Variants in KAZN observed in about 807,000 individuals in gnomAD.
KAZN encodes kazrin, periplakin interacting protein.
In KAZN, 40 loss-of-function variants were observed where a neutral mutation model predicts 87.4. The ratio of observed to expected loss-of-function variants is 0.46; its 90% CI spans 0.36 to 0.60. KAZN has a LOEUF of 0.60. Among genes scored for constraint, KAZN ranks in the 20% least tolerant of loss-of-function variants. The pLI is 0.00. For synonymous variants in KAZN, 466 were observed against 458.3 expected, an observed-to-expected ratio of 1.02 and a Z score of -0.22; for missense variants, 898 against 1,073.9, an observed-to-expected ratio of 0.84 and a Z score of 2.29.
intron 2 of KAZN, among the ~76,000 whole-genome samples, chr1:14,383,434 T>C (rs536192189): frequency 6.6e-6 from 1 of 152,016 alleles, no homozygotes; most frequent in Non-Finnish European, 1.5e-5. Context: ...TCTTCTAGGG[T>C]TTTTATGGTT....
intron 2 of KAZN, among the ~76,000 whole-genome samples, chr1:14,509,551 G>A (rs1261046493): frequency 6.6e-6 from 1 of 152,134 alleles, no homozygotes; most frequent in Non-Finnish European, 1.5e-5. Context: ...AGCCTCGTAG[G>A]GCCGTGGAAA....
chr1:13,964,536 C>T (rs924164681), intron 1 of KAZN, among the ~76,000 whole-genome samples: 24 of 152,228 alleles, frequency 1.6e-4, no homozygotes, highest in Middle Eastern at 3.4e-3. Flanking sequence ...CTGTGGTTAC[C>T]GGTTGGTCTA....
intron 2 of KAZN, among the ~76,000 whole-genome samples, chr1:14,519,310 C>T (rs909680797): frequency 6.6e-6 from 1 of 152,160 alleles, no homozygotes; most frequent in African/African-American, 2.4e-5. Context: ...CTCTGCTTTG[C>T]TTTAGATGGC....
At chr1:14,569,600 G>A (rs1674740423) in intron 2 of KAZN, among the ~76,000 whole-genome samples, 1 of 151,384 alleles carries the variant, frequency 6.6e-6, no homozygotes, top group African/African-American at 2.4e-5. Context: ...AGGATTACAG[G>A]CATGAGCCAC....
chr1:14,467,640 GA>G (rs1668237461), intron 2 of KAZN, among the ~76,000 whole-genome samples: 1 of 58,768 alleles, frequency 1.7e-5, no homozygotes, highest in Non-Finnish European at 3.4e-5. Flanking sequence ...TAAAAAGATG[GA>G]AAAAGAAATG....
At chr1:14,478,256 AGG>A (rs1668872251) in intron 2 of KAZN, among the ~76,000 whole-genome samples, 2 of 142,520 alleles carry the variant, frequency 1.4e-5, no homozygotes, top group East Asian at 2.1e-4. Flanking sequence ...AAAAGAAGGA[AGG>A]AAGGAAGGAA....
rs1031499046 is a variant in KAZN at position 15,114,619 on chromosome 1, A to C, written c.2312A>C (p.Glu771Ala). 5 of 1,589,250 alleles carry C rather than the reference A, an allele frequency of 3.1e-6. No homozygotes were observed. Among genetic ancestry groups the C allele is most frequent in the Admixed American group, 3.6e-5 (2 of 55,994 alleles). Residue 771 changes from glutamate (E) to alanine (A), a missense_variant, in exon 15 of 15, where the codon GAG (glutamate) becomes GCG (alanine). This residue lies in a region of KAZN where 127 missense variants were observed against 121.5 expected (regional missense o/e 1.04). Transcript: ENST00000376030. ...CGTCTGGAAGGCTACAACAGCCTGGAGGTCACCAACGTGTAAGGAACTGGT... is the reference window on the plus strand; with the variant it reads ...CGTCTGGAAGGCTACAACAGCCTGGCGGTCACCAACGTGTAAGGAACTGGT... Reference protein sequence around the residue: ...QCRLEGYNSLEVTNV With the variant: ...QCRLEGYNSLAVTNV
chr1:14,039,017 A>C (rs759383454), intron 1 of KAZN, among the ~76,000 whole-genome samples: 2 of 151,914 alleles, frequency 1.3e-5, no homozygotes, highest in Non-Finnish European at 2.9e-5. Context: ...TACACACACA[A>C]AAAATTAGCT....
At chr1:14,032,714 GGGT>G (rs1305028217) in intron 1 of KAZN, among the ~76,000 whole-genome samples, 1 of 152,132 alleles carries the variant, frequency 6.6e-6, no homozygotes. Flanking sequence ...ATGCCTTCAA[GGGT>G]GTATTCTACC....
intron 1 of KAZN, among the ~76,000 whole-genome samples, chr1:14,783,624 T>C (rs1645419810): frequency 6.6e-6 from 1 of 152,216 alleles, no homozygotes; most frequent in Admixed American, 6.5e-5. Context: ...ATGATCCCAC[T>C]GCTGTCGATC....
At chr1:14,764,501 C>A (rs767171410) in intron 1 of KAZN, among the ~76,000 whole-genome samples, 3 of 151,594 alleles carry the variant, frequency 2.0e-5, no homozygotes, top group Admixed American at 1.3e-4. Context: ...GCCCCTCTGC[C>A]CCCCCATAGA....
At chr1:13,996,262 C>G (rs1489144188) in intron 1 of KAZN, among the ~76,000 whole-genome samples, 2 of 152,164 alleles carry the variant, frequency 1.3e-5, no homozygotes, top group Non-Finnish European at 2.9e-5. Context: ...AGTCCCAACC[C>G]CCGAGCCGCG....
chr1:14,178,546 T>G (rs558184659), intron 1 of KAZN, among the ~76,000 whole-genome samples: 2 of 152,380 alleles, frequency 1.3e-5, no homozygotes, highest in East Asian at 1.9e-4. Flanking sequence ...GATTTAAATA[T>G]TCTACTTTTC....
chr1:14,386,599 C>T (rs756738426), intron 2 of KAZN, among the ~76,000 whole-genome samples: 48 of 152,072 alleles, frequency 3.2e-4, no homozygotes, highest in African/African-American at 4.6e-4. Context: ...ATATGAAATT[C>T]GGGGTGGAAA....
chr1:14,614,069 G>A (rs1437395275), intron 1 of KAZN, among the ~76,000 whole-genome samples: 1 of 152,080 alleles, frequency 6.6e-6, no homozygotes, highest in African/African-American at 2.4e-5. Context: ...AGATTTCCGG[G>A]AATACGATGC....
intron 1 of KAZN, among the ~76,000 whole-genome samples, chr1:14,085,553 T>A (rs1281721030): frequency 1.3e-5 from 2 of 152,236 alleles, no homozygotes; most frequent in Non-Finnish European, 2.9e-5. Flanking sequence ...CTCCTTACAC[T>A]TAGCATATTG....
At chr1:14,229,352 G>A (rs529852727) in intron 2 of KAZN, among the ~76,000 whole-genome samples, 1 of 152,268 alleles carries the variant, frequency 6.6e-6, no homozygotes, top group African/African-American at 2.4e-5. Context: ...GCCTTCGAGT[G>A]CTTCGTGAAA....
intron 2 of KAZN, among the ~76,000 whole-genome samples, chr1:14,539,285 A>T (rs549845447): frequency 6.6e-6 from 1 of 152,264 alleles, no homozygotes. Context: ...CGTTATTGAC[A>T]AAGATGTTGA....
Position 14,070,235 on chromosome 1 carries a change from A to AATTAAAGG in KAZN, c.92-110199_92-110192dup, listed in dbSNP as rs1309096909. 4.1e-5 allele frequency among the ~76,000 whole-genome samples: 6 copies of AATTAAAGG among 148,120 alleles called. 1 individual carries two copies. The highest frequency in any genetic ancestry group is 1.5e-4 in the African/African-American group (6 of 39,922). The stretch of plus-strand genomic sequence containing the variant: ...AGGGAGGAGACAAATAAGGTATGAA[A>AATTAAAGG]ATTAAAGGGAGGTGAAGGGATTAAG... On this transcript the variant is annotated intron_variant, in intron 1 of 16. Transcript: ENST00000636203.
Sources: gnomAD v4.1 joint callset for allele counts (sites outside exome capture counted in the v4.1 genomes callset) on GRCh38, gnomAD v4.1.1 for gene constraint, gnomAD v4.1.1 regional missense constraint, MANE v1.5 for transcripts, NCBI Gene and HGNC (gene_info 2026-07-23, HGNC 2026-07-21) for gene names.